Variants in ANKRD31 observed in about 807,000 individuals in gnomAD.
The protein encoded by ANKRD31 is ankyrin repeat domain-containing protein 31.
ANKRD31 carries 147 observed loss-of-function variants against 186.0 expected under a neutral mutation model. The ratio of observed to expected loss-of-function variants is 0.79; its 90% CI spans 0.69 to 0.91. ANKRD31 has a LOEUF of 0.91. ANKRD31 is among the 40% of genes least tolerant of loss of function. ANKRD31 has a pLI of 0.00. For synonymous variants in ANKRD31, 673 were observed against 736.4 expected (o/e 0.91, Z 1.39); for missense variants, 1,986 against 2,148.8 (o/e 0.92, Z 1.50).
intron 6 of ANKRD31, 92 bp downstream of exon 6, chr5:75,199,539 G>A: frequency 1.1e-6 from 1 of 951,352 alleles, no homozygotes; most frequent in Non-Finnish European, 1.5e-6. Context: ...TGAGGGTGAG[G>A]GTCTAAATGA....
intron 24 of ANKRD31, 57 bp downstream of exon 24, chr5:75,084,215 C>G: frequency 1.7e-6 from 2 of 1,211,712 alleles, no homozygotes; most frequent in Non-Finnish European, 2.3e-6. Flanking sequence ...AGTGCTTTTC[C>G]AGTAGGTTTT....
At chr5:75,182,620 G>A (rs754710571) in intron 10 of ANKRD31, among the ~76,000 whole-genome samples, 10 of 151,888 alleles carry the variant, frequency 6.6e-5, no homozygotes, top group Non-Finnish European at 1.0e-4. Context: ...TCGGGAGGCT[G>A]AGGCAGGAGA....
intron 5 of ANKRD31, among the ~76,000 whole-genome samples, chr5:75,205,579 T>C (rs1218595085): frequency 1.3e-5 from 2 of 152,158 alleles, no homozygotes; most frequent in Non-Finnish European, 2.9e-5. Flanking sequence ...GTTAAAAGAA[T>C]AAACAATATT....
Position 75,162,454 on chromosome 5 carries a change from A to G in ANKRD31, c.1707+6525T>C, listed in dbSNP as rs557091849. ...CTACAAGGTAACTAACTTGCTTTTG[A>G]TTTTACAGGCTTATAGGTGGAAGGG... On this transcript the variant is annotated intron_variant, in intron 11 of 25. Coordinates refer to ENST00000506364, the MANE Select transcript of ANKRD31 (RefSeq NM_001372053.1). 3.7e-4 allele frequency among the ~76,000 whole-genome samples: 57 copies of G among 152,324 alleles called. 1 individual carries two copies. The South Asian group carries it at 0.011, about 30-fold the overall frequency.
At chr5:75,143,062 A>C (rs569804530) in intron 15 of ANKRD31, among the ~76,000 whole-genome samples, 1 of 152,244 alleles carries the variant, frequency 6.6e-6, no homozygotes, top group South Asian at 2.1e-4. Context: ...CTAGGAGAGA[A>C]TATTTCTGTG....
At chr5:75,088,815 T>G (rs1361023278) in intron 23 of ANKRD31, among the ~76,000 whole-genome samples, 1 of 152,234 alleles carries the variant, frequency 6.6e-6, no homozygotes, top group African/African-American at 2.4e-5. Context: ...ATAAAGTTGT[T>G]GCGTAAAACT....
chr5:75,214,197 A>G (rs946981395), intron 3 of ANKRD31, among the ~76,000 whole-genome samples: 2 of 152,178 alleles, frequency 1.3e-5, no homozygotes, highest in Non-Finnish European at 2.9e-5. Flanking sequence ...ACATCCACTC[A>G]CTAGGATCTA....
intron 5 of ANKRD31, among the ~76,000 whole-genome samples, chr5:75,203,915 C>T (rs1046475954): frequency 6.6e-6 from 1 of 152,012 alleles, no homozygotes; most frequent in Non-Finnish European, 1.5e-5. Context: ...TTGGAGATCA[C>T]GTTTTGCATA....
At chr5:75,147,568 T>C in intron 13 of ANKRD31, 63 bp from the exon 14 acceptor site, 1 of 1,028,422 alleles carries the variant, frequency 9.7e-7, no homozygotes, top group Non-Finnish European at 1.3e-6. Context: ...CAATTCAATC[T>C]GGATTATTGA....
intron 4 of ANKRD31, among the ~76,000 whole-genome samples, chr5:75,206,929 T>C (rs1756291228): frequency 6.6e-6 from 1 of 152,192 alleles, no homozygotes; most frequent in South Asian, 2.1e-4. Context: ...ATCATTCTTG[T>C]ATTTCACAGC....
intron 15 of ANKRD31, among the ~76,000 whole-genome samples, chr5:75,140,269 A>AGG (rs1750928854): frequency 2.8e-5 from 1 of 35,156 alleles, no homozygotes; most frequent in Non-Finnish European, 4.3e-5. Flanking sequence ...GAAGGAAGGA[A>AGG]AGAGAGAGAG....
rs376452767 is a variant in ANKRD31 at position 75,144,098 on chromosome 5, C to T, written c.3498G>A (p.Thr1166=). Residue 1166 remains threonine (T), a synonymous_variant, in exon 15 of 26, where the codon ACG becomes ACA. Coordinates refer to ENST00000506364, the MANE Select transcript of ANKRD31 (RefSeq NM_001372053.1). ...TAGTAGGCATGTGAATTTCTGACTC[C>T]GTTTTTTCTTTTATCTCCTCACAAT... ...IRNCEEIKEK[T]ESEIHMPTNS... 7.6e-6 allele frequency: 3 copies of T among 397,296 alleles called. No individual in the cohort carries two copies. The highest frequency in any genetic ancestry group is 2.1e-5 in the African/African-American group (1 of 48,554). 24.6% of individuals were successfully genotyped at this position (397,296 alleles called of 1,614,324 possible). A position where few individuals can be genotyped will look rare whatever the true frequency, so the allele number is the denominator to read the frequency against.
chr5:75,155,462 A>G (rs900770829), intron 11 of ANKRD31, among the ~76,000 whole-genome samples: 6 of 152,166 alleles, frequency 3.9e-5, no homozygotes, highest in African/African-American at 1.4e-4. Flanking sequence ...TGAACATACT[A>G]TAATTTATTT....
chr5:75,133,428 A>C (rs1054143054), intron 17 of ANKRD31, among the ~76,000 whole-genome samples: 3 of 152,240 alleles, frequency 2.0e-5, no homozygotes, highest in Non-Finnish European at 4.4e-5. Flanking sequence ...GCCATTACAT[A>C]ATGGTAAAGG....
intron 17 of ANKRD31, among the ~76,000 whole-genome samples, chr5:75,129,483 G>T (rs1327841252): frequency 2.0e-5 from 3 of 152,058 alleles, no homozygotes; most frequent in Non-Finnish European, 4.4e-5. Context: ...CCTCCACATG[G>T]CTATGTGTAG....
intron 4 of ANKRD31, 55 bp downstream of exon 4, chr5:75,210,773 T>C (rs1756575731): frequency 1.1e-5 from 14 of 1,268,934 alleles, no homozygotes; most frequent in South Asian, 9.2e-5. Flanking sequence ...ATCTTAGATG[T>C]GCAAAATGAC....
chr5:75,136,718 C>T lies in ANKRD31; in HGVS notation c.3876+1138G>A, dbSNP rs190784613. On this transcript the variant is annotated intron_variant, in intron 17 of 25. Transcript: ENST00000506364. The stretch of plus-strand genomic sequence containing the variant: ...TGCTATAAAGACACATGCACATGTA[C>T]GTTTATTGTGGCACTATTCACAATA... Among the ~76,000 whole-genome samples, 639 of 152,206 alleles carry T rather than the reference C, an allele frequency of 4.2e-3. 3 individuals are homozygous for T. The highest frequency in any genetic ancestry group is 0.015 in the African/African-American group (617 of 41,524).
intron 25 of ANKRD31, among the ~76,000 whole-genome samples, chr5:75,070,098 T>A (rs551856153): frequency 4.1e-4 from 63 of 152,316 alleles, no homozygotes; most frequent in Middle Eastern, 3.4e-3. Context: ...GGGTTTTAAA[T>A]CATCACTTAT....
intron 4 of ANKRD31, among the ~76,000 whole-genome samples, chr5:75,207,199 G>T (rs1160560686): frequency 6.6e-6 from 1 of 152,124 alleles, no homozygotes; most frequent in African/African-American, 2.4e-5. Flanking sequence ...GGAGTCCTAT[G>T]CAAGAGTAAT....
Sources: allele counts gnomAD v4.1 joint callset (sites outside exome capture counted in the v4.1 genomes callset), GRCh38; gene constraint gnomAD v4.1.1; transcripts MANE v1.5; gene names NCBI Gene and HGNC (gene_info 2026-07-23, HGNC 2026-07-21).